The following MYO1G variants were observed in gnomAD, a reference collection of about 807,000 sequenced individuals.
The protein encoded by MYO1G is unconventional myosin-Ig.
MYO1G carries 65 observed loss-of-function variants against 115.3 expected under a neutral mutation model. That is an observed-to-expected ratio of 0.56 (90% CI 0.46 to 0.69). The LOEUF is 0.69. Ranked by LOEUF, MYO1G falls within the 30% of genes least tolerant of loss-of-function variation. The pLI is 0.00. For synonymous variants in MYO1G, 510 were observed against 552.6 expected, an observed-to-expected ratio of 0.92 and a Z score of 1.08; for missense variants, 1,204 against 1,393.5, an observed-to-expected ratio of 0.86 and a Z score of 2.16.
chr7:44,965,748 C>T lies in MYO1G; in HGVS notation c.2270G>A (p.Arg757Gln), dbSNP rs201003622. 38 of 1,610,136 alleles carry T rather than the reference C, an allele frequency of 2.4e-5. No homozygotes were observed. The highest frequency in any genetic ancestry group is 6.7e-5 in the Admixed American group (4 of 59,986). ...KVRAHLAELQRRFQAARQPPL... is the reference protein window; with the variant it reads ...KVRAHLAELQQRFQAARQPPL... Reference sequence around the variant, plus strand: ...CGGCTGCCTTGCAGCCTGGAATCGCCGCTGCAGCTCAGCCAGGTGAGCCCG... The same window carrying T: ...CGGCTGCCTTGCAGCCTGGAATCGCTGCTGCAGCTCAGCCAGGTGAGCCCG... Residue 757 changes from arginine to glutamine, a missense_variant, in exon 17 of 22, where the codon CGG (arginine) becomes CAG (glutamine). Arg to Gln is a conservative substitution (Grantham distance 43). Coordinates refer to ENST00000258787, the MANE Select transcript of MYO1G (RefSeq NM_033054.3).
rs1794790130 is a variant in MYO1G, at chr7:44,963,746, A to G, written c.2745+303T>C. 5 of 397,968 alleles carry G rather than the reference A, an allele frequency of 1.3e-5. No individual in the cohort carries two copies. The South Asian group carries it at 1.7e-4, about 13-fold the overall frequency. 24.7% of individuals were successfully genotyped at this position (397,968 alleles called of 1,614,324 possible). A position where few individuals can be genotyped will look rare whatever the true frequency, so the allele number is the denominator to read the frequency against. ...TTGTGGTGGGTACTCAGGTCCCAGA[A>G]TGCCCAGGTGGGAGAACCCCAGTTG... is the stretch of plus-strand genomic sequence containing the variant. On this transcript the variant is annotated intron_variant, in intron 20 of 21. Transcript: ENST00000258787. This position sits in a 1 kb window ranked among gnomAD's most constrained non-coding sequence, Gnocchi z 4.1.
Position 44,970,852 on chromosome 7 carries a change from G to A in MYO1G, c.1054C>T (p.Arg352Trp), listed in dbSNP as rs776266211. ...GHTAAEASYA[R>W]DACAKAVYQR... ...CAAAGTACCTTGGCACAGGCATCCCGGGCATAGCTGGCCTCAGCTGCAGTG... is the reference window on the plus strand; with the variant it reads ...CAAAGTACCTTGGCACAGGCATCCCAGGCATAGCTGGCCTCAGCTGCAGTG... The change falls in exon 8 of 22, where the codon CGG (arginine) becomes TGG (tryptophan). Residue 352 changes from arginine to tryptophan, a missense_variant. By Grantham distance (101) the Arg-to-Trp change is moderately radical. Transcript: ENST00000258787. 10 of 1,613,470 alleles carry A rather than the reference G, an allele frequency of 6.2e-6. No homozygotes were observed. Among genetic ancestry groups the A allele is most frequent in the East Asian group, 2.2e-5 (1 of 44,890 alleles).
At position 44,970,657 on chromosome 7, in the gene MYO1G, A is replaced by G. The variant is rs1375972703; in HGVS notation, c.1152T>C (p.Arg384=). 6.2e-7 allele frequency: 1 copy of G among 1,613,788 alleles called. No individual in the cohort carries two copies. Among genetic ancestry groups the G allele is most frequent in the East Asian group, 2.2e-5 (1 of 44,894 alleles). The change falls in exon 9 of 22, where the codon CGT becomes CGC. Residue 384 remains arginine (R), a synonymous_variant. Coordinates refer to ENST00000258787, the MANE Select transcript of MYO1G (RefSeq NM_033054.3). ...CGCCAATGACTGTGTCCTTGCCATC[A>G]CGCCGAGGATCCCGGCCCCGGGGTT... The part of the protein sequence containing the change: ...VMEPRGRDPR[R]DGKDTVIGVL...
Position 44,978,919 on chromosome 7 carries a change from CAA to C in MYO1G, c.41_42del (p.Phe14CysfsTer30). 1 of 1,614,222 alleles carries C rather than the reference CAA, an allele frequency of 6.2e-7. No homozygotes were observed. The highest frequency in any genetic ancestry group is 8.5e-7 in the Non-Finnish European group (1 of 1,180,022). ...EEGPEYGKPDFVLLDQVTMED... is the reference protein window; with the variant it reads ...EEGPEYGKPDXVLLDQVTMED... ...TCCATGGTCACTTGGTCCAAAAGCACAAAGTCAGGTTTGCCATACTCAGGGCC... is the reference window on the plus strand; with the variant it reads ...TCCATGGTCACTTGGTCCAAAAGCACAGTCAGGTTTGCCATACTCAGGGCC... On this transcript the variant is annotated frameshift_variant, in exon 1 of 22. Transcript: ENST00000258787. LOFTEE classifies it high-confidence loss of function.
In MYO1G at chr7:44,964,024, C is replaced by A; in HGVS notation, c.2745+25G>T. ...GCAGTGCCCCTCACAGATGCTGCAC[C>A]CTACTCCCCACCCACATTGCTCACC... On this transcript the variant is annotated intron_variant, in intron 20 of 21. Transcript: ENST00000258787. The surrounding 1 kb of genome is among the most constrained non-coding windows in gnomAD (Gnocchi z 5.1). The A allele has an allele frequency of 6.5e-7, 1 of 1,541,616 alleles. No homozygotes were observed. The highest frequency in any genetic ancestry group is 2.4e-5 in the East Asian group (1 of 41,528).
chr7:44,978,523 G>T (rs887112428), intron 1 of MYO1G, among the ~76,000 whole-genome samples: 1 of 152,334 alleles, frequency 6.6e-6, no homozygotes, highest in African/African-American at 2.4e-5. Context: ...GATAGTGCCT[G>T]GTATGTATCT....
Position 44,966,063 on chromosome 7 carries a change from C to T in MYO1G, c.2157+10G>A, listed in dbSNP as rs748315759. ...CCATAGTGGATGTCTTCCTGCCCCG[C>T]CCACCTCACCTTCTGCAATAGCAGC... On this transcript the variant is annotated intron_variant, in intron 16 of 21. Coordinates refer to ENST00000258787, the MANE Select transcript of MYO1G (RefSeq NM_033054.3). This position sits in a 1 kb window ranked among gnomAD's most constrained non-coding sequence, Gnocchi z 5.0. The T allele has an allele frequency of 6.2e-7, 1 of 1,609,892 alleles. No individual in the cohort carries two copies. The highest frequency in any genetic ancestry group is 1.1e-5 in the South Asian group (1 of 91,046).
chr7:44,975,670 G>T, intron 3 of MYO1G, 21 bp from the exon 4 acceptor site: 1 of 1,572,876 alleles, frequency 6.4e-7, no homozygotes. Flanking sequence ...AGAGGGGCTG[G>T]GTCTTAAGGC....
At position 44,971,751 on chromosome 7, in the gene MYO1G, G is replaced by A. The variant is rs973357314; in HGVS notation, c.768C>T (p.Thr256=). Residue 256 remains threonine, a synonymous_variant, in exon 7 of 22, where the codon ACC becomes ACT. Transcript: ENST00000258787. ...TGAAGCCGATGACCCTCATGGCCTCGGTCACTGCCTGGTGGCTCTGCTCAT... is the reference window on the plus strand; with the variant it reads ...TGAAGCCGATGACCCTCATGGCCTCAGTCACTGCCTGGTGGCTCTGCTCAT... ...DSDEQSHQAV[T]EAMRVIGFSP... The A allele has an allele frequency of 1.2e-5, 18 of 1,555,508 alleles. No individual in the cohort carries two copies. Among genetic ancestry groups the A allele is most frequent in the Non-Finnish European group, 1.5e-5 (17 of 1,149,028 alleles).
At position 44,965,683 on chromosome 7, in the gene MYO1G, C is replaced by G; in HGVS notation, c.2335G>C (p.Ala779Pro). The G allele has an allele frequency of 1.2e-6, 2 of 1,613,448 alleles. No individual in the cohort carries two copies. Among genetic ancestry groups the G allele is most frequent in the Non-Finnish European group, 1.7e-6 (2 of 1,179,996 alleles). Residue 779 changes from alanine to proline, a missense_variant, in exon 17 of 22, where the codon GCT becomes CCT. Transcript: ENST00000258787. ...GTGTCCTGGAAGGGCTGCAGCACAG[C>G]AGGGGGCAGCGGCCACACAAGGTCA... ...GRDLVWPLPP[A>P]VLQPFQDTCH... is the part of the protein sequence containing the mutation.
chr7:44,965,880 T>C lies in MYO1G; in HGVS notation c.2158-20A>G. ...CCATGCCTGGGTGGGCCAGGTGGGA[T>C]GGGATACGCAGTCAAATTCAATCAG... On this transcript the variant is annotated intron_variant, in intron 16 of 21. Transcript: ENST00000258787. The C allele has an allele frequency of 6.3e-7, 1 of 1,595,930 alleles. No individual in the cohort carries two copies. The highest frequency in any genetic ancestry group is 2.2e-5 in the East Asian group (1 of 44,848).
At chr7:44,970,305 G>A (rs1562830604) in intron 9 of MYO1G, 151 bp from the exon 10 acceptor site, 4 of 706,712 alleles carry the variant, frequency 5.7e-6, no homozygotes, top group Non-Finnish European at 9.6e-6. Flanking sequence ...ATGCATCCCT[G>A]CCCTGGACTC....
At position 44,963,026 on chromosome 7, in the gene MYO1G, C is replaced by A. The variant is rs1794776110; in HGVS notation, c.2844G>T (p.Pro948=). Residue 948 remains proline, a synonymous_variant, in exon 21 of 22, where the codon CCG becomes CCT. Transcript: ENST00000258787. The surrounding 1 kb of genome is among the most constrained non-coding windows in gnomAD (Gnocchi z 4.1). ...DLVVCLHRSR[P]PLDNRVGELV... The stretch of plus-strand genomic sequence containing the variant: ...GCTCCCCAACGCGGTTGTCCAATGG[C>A]GGCCGGGAGCGGTGCAGGCACACCA... The A allele has an allele frequency of 1.3e-6, 2 of 1,531,152 alleles. No individual in the cohort carries two copies. The highest frequency in any genetic ancestry group is 1.7e-6 in the Non-Finnish European group (2 of 1,143,756). 94.8% of individuals were successfully genotyped at this position (1,531,152 alleles called of 1,614,324 possible).
Position 44,976,647 on chromosome 7 carries a change from C to T in MYO1G, c.315G>A (p.Gly105=). 6.2e-7 allele frequency: 1 copy of T among 1,614,074 alleles called. No homozygotes were observed. The highest frequency in any genetic ancestry group is 1.6e-4 in the Middle Eastern group (1 of 6,062). Residue 105 remains glycine (G), a synonymous_variant, in exon 3 of 22, where the codon GGG becomes GGA. Coordinates refer to ENST00000258787, the MANE Select transcript of MYO1G (RefSeq NM_033054.3). ...DTCIVISGES[G]AGKTEASKHI... ...GCTTACTGGCTTCTGTCTTCCCTGC[C>T]CCACTCTCCCCTGCCGGAAAGACCA...
chr7:44,965,693 C>T lies in MYO1G; in HGVS notation c.2325G>A (p.Pro775=), dbSNP rs1339658859. The T allele has an allele frequency of 1.7e-5, 28 of 1,613,168 alleles. No homozygotes were observed. The highest frequency in any genetic ancestry group is 2.2e-5 in the East Asian group (1 of 44,890). Residue 775 remains proline (P), a synonymous_variant, in exon 17 of 22, where the codon CCG becomes CCA. Coordinates refer to ENST00000258787, the MANE Select transcript of MYO1G (RefSeq NM_033054.3). ...AGGGCTGCAGCACAGCAGGGGGCAG[C>T]GGCCACACAAGGTCACGCCCGTAGA... ...PPLYGRDLVW[P]LPPAVLQPFQ...
chr7:44,973,575 T>C (rs1432276757), intron 5 of MYO1G: 2 of 151,190 alleles, frequency 1.3e-5, no homozygotes, highest in Non-Finnish European at 3.0e-5. Flanking sequence ...AAAAAAACTC[T>C]CTGTGTCCCA....
chr7:44,972,341 G>A (rs1794975045), intron 5 of MYO1G, 116 bp from the exon 6 acceptor site: 5 of 746,976 alleles, frequency 6.7e-6, no homozygotes, highest in South Asian at 1.6e-5. Flanking sequence ...ACGAACAAAC[G>A]TGGGGGAAGG....
At chr7:44,973,703 G>A (rs896835056) in intron 5 of MYO1G, 5 of 151,820 alleles carry the variant, frequency 3.3e-5, no homozygotes, top group Non-Finnish European at 7.4e-5. Flanking sequence ...GTCCCAGGGA[G>A]CAATCCCCTC....
chr7:44,967,068 G>T (rs537485976), intron 14 of MYO1G, among the ~76,000 whole-genome samples: 3 of 152,320 alleles, frequency 2.0e-5, no homozygotes, highest in Admixed American at 1.3e-4. Flanking sequence ...GGGGAGGTGG[G>T]CGTGGCAGGG....
Sources: gnomAD v4.1 joint callset for allele counts (sites outside exome capture counted in the v4.1 genomes callset) on GRCh38, gnomAD v4.1.1 for gene constraint, Gnocchi (gnomAD v3.1) non-coding constraint, MANE v1.5 for transcripts, NCBI Gene and HGNC (gene_info 2026-07-23, HGNC 2026-07-21) for gene names.